The following HTT variants were observed in gnomAD, a reference collection of about 807,000 sequenced individuals.
The protein encoded by HTT is huntington disease protein.
A neutral mutation model predicts 362.3 loss-of-function variants in HTT; 104 were observed. That is an observed-to-expected ratio of 0.29 (90% CI 0.24 to 0.34). The LOEUF (loss-of-function observed/expected upper bound fraction) is 0.34. Ranked by LOEUF, HTT falls within the 10% of genes least tolerant of loss-of-function variation. The pLI is 1.00. For synonymous variants in HTT, 1,577 were observed against 1,548.7 expected (o/e 1.02, Z -0.43); for missense variants, 3,301 against 3,928.6 (o/e 0.84, Z 4.27).
intron 8 of HTT, among the ~76,000 whole-genome samples, chr4:3,118,863 TC>T (rs1715158909): frequency 6.6e-6 from 1 of 152,246 alleles, no homozygotes. Context: ...CATATCTTAC[TC>T]CATCTTCTTT....
chr4:3,232,246 C>G (rs10021033), intron 60 of HTT, among the ~76,000 whole-genome samples: 30,545 of 152,100 alleles, frequency 0.2, 4,698 homozygotes, highest in African/African-American at 0.43. Flanking sequence ...CCTGGGATGG[C>G]TGGGAGTGGC....
intron 5 of HTT, 84 bp downstream of exon 5, chr4:3,105,520 A>G: frequency 6.3e-6 from 6 of 951,136 alleles, no homozygotes; most frequent in South Asian, 2.6e-5. Flanking sequence ...TGTCATTTCA[A>G]AAGTCTGCTC....
At chr4:3,115,016 G>T (rs1277427015) in intron 6 of HTT, among the ~76,000 whole-genome samples, 2 of 152,066 alleles carry the variant, frequency 1.3e-5, no homozygotes, top group Non-Finnish European at 2.9e-5. Flanking sequence ...CCCAAATACT[G>T]TGGGCAGAGT....
intron 1 of HTT, among the ~76,000 whole-genome samples, chr4:3,081,637 C>A (rs1422969676): frequency 2.1e-5 from 3 of 146,252 alleles, no homozygotes; most frequent in Non-Finnish European, 3.0e-5. Flanking sequence ...CGGCTCACTG[C>A]AACCTCTGCC....
chr4:3,132,950 T>G, intron 18 of HTT, 39 bp downstream of exon 18: 1 of 1,399,048 alleles, frequency 7.1e-7, no homozygotes, highest in Non-Finnish European at 1.0e-6. Context: ...CTTCACTTAG[T>G]GGACATTTTA....
At chr4:3,222,135 C>T (rs911709954) in intron 53 of HTT, among the ~76,000 whole-genome samples, 14 of 152,202 alleles carry the variant, frequency 9.2e-5, no homozygotes, top group African/African-American at 3.1e-4. Context: ...CTGCCAGGGC[C>T]GACTTGGGCC....
In HTT at chr4:3,086,927, T is replaced by C; in HGVS notation, c.264-12T>C. 1 of 1,517,400 alleles carries C rather than the reference T, an allele frequency of 6.6e-7. No homozygotes were observed. Among genetic ancestry groups the C allele is most frequent in the Non-Finnish European group, 9.1e-7 (1 of 1,094,004 alleles). The allele number at this position is 1,517,400 out of a possible 1,614,324, so 94.0% of individuals were successfully genotyped here. On this transcript the variant is annotated splice_polypyrimidine_tract_variant and intron_variant, in intron 1 of 66. Coordinates refer to ENST00000355072, the MANE Select transcript of HTT (RefSeq NM_001388492.1). The stretch of plus-strand genomic sequence containing the variant: ...CAACACATATTAATTTCCTTCTTTT[T>C]TTTATTTTTAGAAAGAAAGAACTTT...
intron 52 of HTT, 91 bp from the exon 53 acceptor site, chr4:3,220,091 C>A: frequency 7.0e-7 from 1 of 1,422,100 alleles, no homozygotes; most frequent in Non-Finnish European, 9.9e-7. Context: ...GAGGAGGGAG[C>A]CCAGTGGAGA....
At chr4:3,116,382 C>T in intron 8 of HTT, 119 bp downstream of exon 8, 1 of 826,628 alleles carries the variant, frequency 1.2e-6, no homozygotes, top group South Asian at 1.7e-5. Flanking sequence ...TGGAGCTGCG[C>T]TGCTCGTTTC....
intron 29 of HTT, among the ~76,000 whole-genome samples, chr4:3,165,525 C>A (rs1717656792): frequency 6.6e-6 from 1 of 152,302 alleles, no homozygotes; most frequent in African/African-American, 2.4e-5. Flanking sequence ...TGGTTCTATT[C>A]TCCCCATCAC....
chr4:3,185,679 A>G (rs766201376), intron 37 of HTT, among the ~76,000 whole-genome samples: 2 of 152,166 alleles, frequency 1.3e-5, no homozygotes, highest in Non-Finnish European at 2.9e-5. Flanking sequence ...TTGGGAGGCC[A>G]AGGCAGGCAG....
intron 2 of HTT, among the ~76,000 whole-genome samples, chr4:3,096,421 C>T (rs562983913): frequency 3.9e-5 from 6 of 152,352 alleles, no homozygotes; most frequent in African/African-American, 1.4e-4. Flanking sequence ...AAGAGACACT[C>T]TCTCAAGTGC....
chr4:3,097,793 C>A (rs1288684406), intron 2 of HTT, among the ~76,000 whole-genome samples: 2 of 152,118 alleles, frequency 1.3e-5, no homozygotes, highest in African/African-American at 4.8e-5. Flanking sequence ...AGCCCTATAT[C>A]TATTTTATTG....
chr4:3,088,217 C>T (rs1019651725), intron 2 of HTT, among the ~76,000 whole-genome samples: 2 of 141,486 alleles, frequency 1.4e-5, no homozygotes, highest in African/African-American at 2.6e-5. Flanking sequence ...GACGGAGTCA[C>T]GATCTGTCAC....
chr4:3,236,980 A>G (rs995706573), intron 64 of HTT, among the ~76,000 whole-genome samples: 4 of 152,148 alleles, frequency 2.6e-5, no homozygotes, highest in Admixed American at 2.0e-4. Context: ...GCTTTTCTCA[A>G]GAGCATACTC....
In HTT at chr4:3,107,340, G is replaced by A; in HGVS notation, c.664G>A (p.Glu222Lys). ...GACTCGAACAAGCAAGAGACCCGAA[G>A]AATCAGTCCAGGAGACCTTGGCTGC... ...CLTRTSKRPEESVQETLAAAV... is the reference protein window; with the variant it reads ...CLTRTSKRPEKSVQETLAAAV... The change falls in exon 6 of 67, where the codon GAA becomes AAA. Residue 222 changes from glutamate (E) to lysine (K), a missense_variant. Physicochemically the swap from Glu to Lys is moderately conservative, Grantham distance 56. Around this residue, in one of 4 missense-constraint regions of HTT, gnomAD observed 2,316 missense variants for 2,658.5 expected, o/e 0.87. Transcript: ENST00000355072. The A allele has an allele frequency of 6.2e-7, 1 of 1,614,226 alleles. No homozygotes were observed. Among genetic ancestry groups the A allele is most frequent in the Non-Finnish European group, 8.5e-7 (1 of 1,180,026 alleles).
chr4:3,188,912 G>T, intron 39 of HTT, 39 bp from the exon 40 acceptor site: 1 of 1,600,558 alleles, frequency 6.2e-7, no homozygotes, highest in Non-Finnish European at 8.6e-7. Flanking sequence ...CTTTATAGTA[G>T]TCACCTAATT....
intron 38 of HTT, 82 bp downstream of exon 38, chr4:3,186,801 GAGTC>G: frequency 8.6e-7 from 1 of 1,164,300 alleles, no homozygotes; most frequent in African/African-American, 1.6e-5. Flanking sequence ...CAGAATGTCT[GAGTC>G]AGTCAGTTTG....
At chr4:3,202,542 CT>C (rs1308302656) in intron 41 of HTT, among the ~76,000 whole-genome samples, 1 of 152,138 alleles carries the variant, frequency 6.6e-6, no homozygotes, top group East Asian at 1.9e-4. Context: ...GTAAAATGTA[CT>C]TTTCTATCAA....
Sources: gnomAD v4.1 joint callset for allele counts (sites outside exome capture counted in the v4.1 genomes callset) on GRCh38, gnomAD v4.1.1 for gene constraint, gnomAD v4.1.1 regional missense constraint, MANE v1.5 for transcripts, NCBI Gene and HGNC (gene_info 2026-07-23, HGNC 2026-07-21) for gene names.